The following XRCC4 variants were observed in gnomAD, a reference collection of about 807,000 sequenced individuals.
XRCC4 encodes the protein X-ray repair cross complementing 4.
In XRCC4, 28 loss-of-function variants were observed where a neutral mutation model predicts 39.1. The ratio of observed to expected loss-of-function variants is 0.72; its 90% CI spans 0.53 to 0.98. The LOEUF is 0.98. Among genes scored for constraint, XRCC4 ranks in the 50% least tolerant of loss-of-function variants. XRCC4 has a pLI of 0.00. For synonymous variants in XRCC4, 123 were observed against 126.4 expected, an observed-to-expected ratio of 0.97 and a Z score of 0.18; for missense variants, 350 against 376.4, an observed-to-expected ratio of 0.93 and a Z score of 0.58.
intron 7 of XRCC4, among the ~76,000 whole-genome samples, chr5:83,268,935 A>G: frequency 6.6e-6 from 1 of 152,212 alleles, no homozygotes; most frequent in Middle Eastern, 3.2e-3. Flanking sequence ...AAATCATGAA[A>G]ATGATAATTT....
chr5:83,127,052 C>T (rs1014154309), intron 3 of XRCC4, among the ~76,000 whole-genome samples: 10 of 152,128 alleles, frequency 6.6e-5, no homozygotes, highest in Admixed American at 1.3e-4. Context: ...ATTAATTGTT[C>T]CTTGAGTCTC....
At chr5:83,162,245 G>A (rs1260548944) in intron 3 of XRCC4, among the ~76,000 whole-genome samples, 2 of 152,114 alleles carry the variant, frequency 1.3e-5, no homozygotes, top group Non-Finnish European at 2.9e-5. Context: ...TTGAAGTCAA[G>A]TGCTTATGTA....
intron 2 of XRCC4, among the ~76,000 whole-genome samples, chr5:83,107,774 T>G (rs1746267841): frequency 6.6e-6 from 1 of 151,958 alleles, no homozygotes. Context: ...TTAGATCCAC[T>G]TATAATTATC....
downstream of XRCC4, among the ~76,000 whole-genome samples, chr5:83,358,177 C>T (rs1428587475): frequency 6.6e-6 from 1 of 152,040 alleles, no homozygotes; most frequent in Non-Finnish European, 1.5e-5. Flanking sequence ...TGGTTTTCTC[C>T]GTATCTTGAT....
In XRCC4 at chr5:83,234,139, C is replaced by G. The variant is rs577225248; in HGVS notation, c.746-24391C>G. Reference sequence around the variant, plus strand: ...CTATCAGCTCTACATTTACAGTTTTCCAGCACATTTAAGGCCTACCTTTTG... The same window carrying G: ...CTATCAGCTCTACATTTACAGTTTTGCAGCACATTTAAGGCCTACCTTTTG... On this transcript the variant is annotated intron_variant, in intron 6 of 7. Transcript: ENST00000396027. 1.2e-4 allele frequency among the ~76,000 whole-genome samples: 18 copies of G among 152,160 alleles called. 1 individual carries two copies. The highest frequency in any genetic ancestry group is 6.5e-5 in the Admixed American group (1 of 15,280).
intron 6 of XRCC4, among the ~76,000 whole-genome samples, chr5:83,229,685 A>G (rs1399101243): frequency 9.9e-6 from 1 of 100,786 alleles, no homozygotes; most frequent in Non-Finnish European, 1.9e-5. Context: ...TTTTTTTGCT[A>G]AAGATGACTT....
chr5:83,334,020 A>C (rs754604951), intron 7 of XRCC4, among the ~76,000 whole-genome samples: 7 of 152,012 alleles, frequency 4.6e-5, no homozygotes, highest in Non-Finnish European at 8.8e-5. Context: ...TGCCCACCTC[A>C]GCCTCCCAAA....
At chr5:83,107,683 CTT>C (rs1207399671) in intron 2 of XRCC4, among the ~76,000 whole-genome samples, 1 of 151,808 alleles carries the variant, frequency 6.6e-6, no homozygotes, top group African/African-American at 2.4e-5. Flanking sequence ...CAGTAGGAAA[CTT>C]ATATCACCCA....
intron 7 of XRCC4, among the ~76,000 whole-genome samples, chr5:83,350,064 G>A (rs1757034969): frequency 1.3e-5 from 2 of 152,122 alleles, no homozygotes; most frequent in African/African-American, 4.8e-5. Context: ...GCCTCCAGCT[G>A]CATCCATGTT....
Position 83,117,239 on chromosome 5 carries a change from A to G in XRCC4, c.315+6036A>G, listed in dbSNP as rs373362934. Among the ~76,000 whole-genome samples the G allele has an allele frequency of 5.9e-5, 9 of 152,250 alleles. No individual in the cohort carries two copies. The South Asian group carries it at 6.2e-4, about 11-fold the overall frequency. ...TTAACAGTAGATTGTTCTGGTTGAA[A>G]GCATACTATAGTGCCAGCATTTGGA... is the stretch of plus-strand genomic sequence containing the variant. On this transcript the variant is annotated intron_variant, in intron 3 of 7. Coordinates refer to ENST00000396027, the MANE Select transcript of XRCC4 (RefSeq NM_003401.5).
chr5:83,261,609 ATT>A lies in XRCC4; in HGVS notation c.893+2947_893+2948del, dbSNP rs67245313. Among the ~76,000 whole-genome samples, 410 of 129,482 alleles carry A rather than the reference ATT, an allele frequency of 3.2e-3. 2 individuals carry two copies. Among genetic ancestry groups the A allele is most frequent in the East Asian group, 4.9e-3 (22 of 4,490 alleles). 84.9% of individuals were successfully genotyped at this position (129,482 alleles called of 152,430 possible). On this transcript the variant is annotated intron_variant, in intron 7 of 7. Coordinates refer to ENST00000396027, the MANE Select transcript of XRCC4 (RefSeq NM_003401.5). ...GAGTGGTCATAAGTACTATGGCTTA[ATT>A]TTTTTTTTTTTTTTGTCTACAAGAC...
intron 7 of XRCC4, among the ~76,000 whole-genome samples, chr5:83,276,589 C>T (rs1561449673): frequency 6.6e-6 from 1 of 152,140 alleles, no homozygotes; most frequent in Non-Finnish European, 1.5e-5. Context: ...CAGGATTCTA[C>T]AGAGGCTTCA....
In XRCC4 at chr5:83,134,859, A is replaced by AGAAGGAG. The variant is rs1561352900; in HGVS notation, c.315+23656_315+23657insGAAGGAG. On this transcript the variant is annotated intron_variant, in intron 3 of 7. Coordinates refer to ENST00000396027, the MANE Select transcript of XRCC4 (RefSeq NM_003401.5). ...ACCATGAACCCTCTGGGCAGAAGGA[A>AGAAGGAG]CAACTCTGGACACGCCACCTTGAAG... 3.9e-5 allele frequency among the ~76,000 whole-genome samples: 6 copies of AGAAGGAG among 151,926 alleles called. No individual in the cohort carries two copies. The East Asian group carries it at 1.2e-3, about 30-fold the overall frequency.
At chr5:83,150,505 AAT>A (rs1748653260) in intron 3 of XRCC4, among the ~76,000 whole-genome samples, 3 of 152,300 alleles carry the variant, frequency 2.0e-5, no homozygotes, top group Admixed American at 2.0e-4. Context: ...CTAACTGCTC[AAT>A]TAAGAAAAAA....
At chr5:83,349,802 C>A (rs113187217) in intron 7 of XRCC4, among the ~76,000 whole-genome samples, 4 of 151,958 alleles carry the variant, frequency 2.6e-5, no homozygotes, top group African/African-American at 7.3e-5. Context: ...GGTACATGTG[C>A]GGGTTTGTTA....
downstream of XRCC4, among the ~76,000 whole-genome samples, chr5:83,355,438 T>A (rs898084182): frequency 6.6e-6 from 1 of 152,178 alleles, no homozygotes; most frequent in Admixed American, 6.5e-5. Context: ...GAAGCTTAAT[T>A]AGTGTTTGTT....
chr5:83,140,449 C>G (rs757714982), intron 3 of XRCC4, among the ~76,000 whole-genome samples: 2 of 152,166 alleles, frequency 1.3e-5, no homozygotes, highest in Non-Finnish European at 1.5e-5. Context: ...CTGCTTTGTT[C>G]TAGCCGCACT....
intron 3 of XRCC4, among the ~76,000 whole-genome samples, chr5:83,188,890 T>A (rs1348722980): frequency 6.6e-6 from 1 of 152,170 alleles, no homozygotes; most frequent in Non-Finnish European, 1.5e-5. Context: ...ACTGAAAAGA[T>A]ATGCCTAGAG....
intron 3 of XRCC4, among the ~76,000 whole-genome samples, chr5:83,128,653 A>T (rs1221616215): frequency 6.6e-6 from 1 of 152,140 alleles, no homozygotes; most frequent in Non-Finnish European, 1.5e-5. Flanking sequence ...CTGACTTTTT[A>T]ATGATCGCCA....
Sources: allele counts gnomAD v4.1 joint callset (sites outside exome capture counted in the v4.1 genomes callset), GRCh38; gene constraint gnomAD v4.1.1; transcripts MANE v1.5; gene names NCBI Gene and HGNC (gene_info 2026-07-23, HGNC 2026-07-21).